Variants in ADGRL4 observed in about 807,000 individuals in gnomAD.
ADGRL4 encodes EGF, latrophilin and seven transmembrane domain containing 1.
ADGRL4 carries 90 observed loss-of-function variants against 74.8 expected under a neutral mutation model. That is an observed-to-expected ratio of 1.20 (90% CI 1.02 to 1.43). ADGRL4 has a LOEUF of 1.43. Ranked by LOEUF, ADGRL4 falls within the 40% of genes most tolerant of loss-of-function variation. The probability of loss-of-function intolerance (pLI) is 0.00; values close to 1 mark genes in which losing one functional copy is unlikely to be tolerated. For synonymous variants in ADGRL4, 311 were observed against 279.2 expected (o/e 1.11, Z -1.14); for missense variants, 881 against 814.3 (o/e 1.08, Z -1.00).
At chr1:78,939,330 C>T (rs1237085028) in intron 3 of ADGRL4, 72 bp from the exon 4 acceptor site, 8 of 1,279,232 alleles carry the variant, frequency 6.3e-6, no homozygotes. Flanking sequence ...ATATCAATCC[C>T]AATGATCTTT....
chr1:78,976,268 C>A, intron 2 of ADGRL4, among the ~76,000 whole-genome samples: 1 of 152,010 alleles, frequency 6.6e-6, no homozygotes, highest in East Asian at 1.9e-4. Flanking sequence ...AGGAAAGAAC[C>A]ATCTGAAAGC....
intron 12 of ADGRL4, among the ~76,000 whole-genome samples, chr1:78,895,850 C>T (rs552616291): frequency 2.4e-3 from 370 of 152,062 alleles, no homozygotes; most frequent in African/African-American, 8.3e-3. Flanking sequence ...AGGCTTTCTC[C>T]TTAAAGAACC....
chr1:78,914,086 C>T (rs540814998), intron 12 of ADGRL4, among the ~76,000 whole-genome samples: 52 of 151,870 alleles, frequency 3.4e-4, no homozygotes, highest in African/African-American at 1.2e-3. Context: ...GTTTGTTCTC[C>T]CTCAGAAGGA....
At chr1:78,979,629 C>T (rs1218238304) in intron 2 of ADGRL4, among the ~76,000 whole-genome samples, 1 of 151,748 alleles carries the variant, frequency 6.6e-6, no homozygotes, top group Non-Finnish European at 1.5e-5. Context: ...TTTGAAATTG[C>T]AGAGATATAG....
chr1:78,926,940 G>T lies in ADGRL4; in HGVS notation c.1029C>A (p.Asn343Lys), dbSNP rs188452531. The change falls in exon 8 of 15, where the codon AAC (asparagine) becomes AAA (lysine). Residue 343 changes from asparagine to lysine, a missense_variant. Asn to Lys is a moderately conservative substitution (Grantham distance 94). Coordinates refer to ENST00000370742, the MANE Select transcript of ADGRL4 (RefSeq NM_022159.4). ...TTTCAAGTTCATATAATGTGGGTGG[G>T]TTTGAGCTCATTGAGACTGAAATTA... Reference protein sequence around the residue: ...SSVISVSMSSNPPTLYELEKI... With the variant: ...SSVISVSMSSKPPTLYELEKI... The T allele has an allele frequency of 3.1e-6, 5 of 1,612,108 alleles. No homozygotes were observed. Among genetic ancestry groups the T allele is most frequent in the Admixed American group, 1.7e-5 (1 of 59,832 alleles).
chr1:78,913,044 T>A (rs1362460852), intron 12 of ADGRL4, among the ~76,000 whole-genome samples: 2 of 152,010 alleles, frequency 1.3e-5, no homozygotes, highest in African/African-American at 4.8e-5. Context: ...AAATGTTCAC[T>A]GTCACTAATC....
intron 2 of ADGRL4, among the ~76,000 whole-genome samples, chr1:78,950,717 A>T (rs1649705209): frequency 6.6e-6 from 1 of 152,172 alleles, no homozygotes. Context: ...ATTTTTCATA[A>T]TAAAATAATA....
intron 2 of ADGRL4, among the ~76,000 whole-genome samples, chr1:78,993,478 A>G (rs1374227170): frequency 3.3e-5 from 5 of 152,208 alleles, no homozygotes; most frequent in African/African-American, 1.2e-4. Flanking sequence ...ATGTGAGACA[A>G]GCATTATGAA....
At chr1:78,960,854 G>A (rs976225763) in intron 2 of ADGRL4, among the ~76,000 whole-genome samples, 3 of 152,296 alleles carry the variant, frequency 2.0e-5, no homozygotes, top group Non-Finnish European at 4.4e-5. Flanking sequence ...TGCTTTGATC[G>A]TAGACTTTAC....
At chr1:78,975,598 A>T (rs887082673) in intron 2 of ADGRL4, among the ~76,000 whole-genome samples, 93 of 151,962 alleles carry the variant, frequency 6.1e-4, no homozygotes, top group African/African-American at 2.2e-3. Flanking sequence ...AATACAGACT[A>T]AAACCCAACT....
intron 2 of ADGRL4, among the ~76,000 whole-genome samples, chr1:78,964,589 C>G (rs537512917): frequency 8.5e-5 from 13 of 152,174 alleles, no homozygotes; most frequent in African/African-American, 3.1e-4. Context: ...ATTTCAAAAC[C>G]TAATAAAATT....
At chr1:78,921,392 G>C (rs1436720157) in intron 9 of ADGRL4, among the ~76,000 whole-genome samples, 1 of 148,966 alleles carries the variant, frequency 6.7e-6, no homozygotes, top group Non-Finnish European at 1.5e-5. Flanking sequence ...GACTAGATAA[G>C]TCTTAGACTA....
chr1:78,974,269 G>A (rs1476999668), intron 2 of ADGRL4, among the ~76,000 whole-genome samples: 1 of 152,090 alleles, frequency 6.6e-6, no homozygotes. Context: ...ATGTATATCA[G>A]CCTGTGGATC....
chr1:78,946,433 G>A lies in ADGRL4; in HGVS notation c.173-7C>T. 1 of 1,591,520 alleles carries A rather than the reference G, an allele frequency of 6.3e-7. No individual in the cohort carries two copies. Among genetic ancestry groups the A allele is most frequent in the Non-Finnish European group, 8.5e-7 (1 of 1,170,330 alleles). ...TTTCCACATTCATTATCATCTGTTG[G>A]CATATGAATTTAAAAGATTATTTTT... is the stretch of plus-strand genomic sequence containing the variant. On this transcript the variant is annotated splice_region_variant and splice_polypyrimidine_tract_variant and intron_variant, in intron 2 of 14. Transcript: ENST00000370742.
chr1:78,965,777 T>C (rs1650043937), intron 2 of ADGRL4, among the ~76,000 whole-genome samples: 1 of 152,066 alleles, frequency 6.6e-6, no homozygotes, highest in African/African-American at 2.4e-5. Context: ...ATTTTATAGA[T>C]GAAAATACTA....
At chr1:78,999,607 A>G in intron 2 of ADGRL4, among the ~76,000 whole-genome samples, 1 of 152,122 alleles carries the variant, frequency 6.6e-6, no homozygotes. Flanking sequence ...TACAATTTTT[A>G]TTTAGTTTTA....
chr1:78,964,276 A>C (rs921625594), intron 2 of ADGRL4, among the ~76,000 whole-genome samples: 5 of 152,190 alleles, frequency 3.3e-5, no homozygotes, highest in Admixed American at 3.3e-4. Flanking sequence ...TTATCACTCT[A>C]GTGCTTTTCT....
intron 2 of ADGRL4, among the ~76,000 whole-genome samples, chr1:78,995,015 G>A (rs1650685460): frequency 6.6e-6 from 1 of 152,094 alleles, no homozygotes; most frequent in African/African-American, 2.4e-5. Context: ...TTTTGTTTTA[G>A]TTGTTAGTTA....
intron 2 of ADGRL4, among the ~76,000 whole-genome samples, chr1:78,986,990 G>C (rs1020659896): frequency 1.3e-5 from 2 of 151,734 alleles, no homozygotes; most frequent in Non-Finnish European, 2.9e-5. Flanking sequence ...AAACAAAGTA[G>C]ATAAATCATG....
Sources: gnomAD v4.1 joint callset for allele counts (sites outside exome capture counted in the v4.1 genomes callset) on GRCh38, gnomAD v4.1.1 for gene constraint, MANE v1.5 for transcripts, NCBI Gene and HGNC (gene_info 2026-07-23, HGNC 2026-07-21) for gene names.